LIMK1: variants seen among roughly 807,000 people sequenced by gnomAD.
LIMK1 encodes the protein LIM domain kinase 1, also known as LIM motif-containing protein kinase.
In LIMK1, 21 loss-of-function variants were observed where a neutral mutation model predicts 77.6. The ratio of observed to expected loss-of-function variants is 0.27; its 90% confidence interval spans 0.19 to 0.39. The LOEUF is 0.39. Among genes scored for constraint, LIMK1 ranks in the 10% least tolerant of loss-of-function variants. The pLI, the probability that LIMK1 is intolerant of heterozygous loss-of-function variation, is 1.00. For missense variants in LIMK1, 696 were observed against 901.6 expected (o/e 0.77, Z 2.92); for synonymous variants, 358 against 370.0 (o/e 0.97, Z 0.37).
chr7:74,110,769 T>G (rs1239891204), intron 10 of LIMK1: 2 of 151,882 alleles, frequency 1.3e-5, no homozygotes, highest in Non-Finnish European at 2.9e-5. Flanking sequence ...GACCTCGTGA[T>G]CCAACCACTC....
chr7:74,093,413 C>T (rs1799277042), intron 2 of LIMK1: 3 of 1,288,366 alleles, frequency 2.3e-6, no homozygotes, highest in Non-Finnish European at 2.1e-6. Flanking sequence ...AGAACTGAAA[C>T]TCCTTGGTTA....
At chr7:74,111,369 C>T (rs545747098) in intron 10 of LIMK1, 5 of 419,356 alleles carry the variant, frequency 1.2e-5, no homozygotes, top group African/African-American at 6.0e-5. Context: ...GCCCCGGAGG[C>T]GAAGGTTGTA....
chr7:74,115,658 G>A (rs1343422657), intron 12 of LIMK1, 144 bp from the exon 13 acceptor site: 5 of 864,420 alleles, frequency 5.8e-6, no homozygotes, highest in Admixed American at 2.9e-5. Flanking sequence ...GGGGAAGGAA[G>A]GGGTCCCCAC....
In LIMK1 at chr7:74,084,066, G is replaced by A. The variant is rs201367866; in HGVS notation, c.55+21G>A. 8.8e-4 allele frequency: 1,264 copies of A among 1,439,652 alleles called. 10 individuals are homozygous for A. Among genetic ancestry groups the A allele is most frequent in the Non-Finnish European group, 6.1e-5 (65 of 1,073,064 alleles). 89.2% of individuals were successfully genotyped at this position (1,439,652 alleles called of 1,614,324 possible). The stretch of plus-strand genomic sequence containing the variant: ...GGAAGGTGCGCGGGCCGCGGGGTGT[G>A]GGGCGAGGGCCTGGAGGGGGTGCCC... On this transcript the variant is annotated intron_variant, in intron 1 of 15. Transcript: ENST00000336180.
intron 2 of LIMK1, among the ~76,000 whole-genome samples, chr7:74,093,496 C>G (rs1554695099): frequency 6.6e-6 from 1 of 152,206 alleles, no homozygotes; most frequent in Admixed American, 6.5e-5. Context: ...CCCATGAGGC[C>G]GGTCCTCCAC....
chr7:74,092,657 A>C (rs1055563279), intron 2 of LIMK1, among the ~76,000 whole-genome samples: 4 of 152,146 alleles, frequency 2.6e-5, no homozygotes, highest in Non-Finnish European at 4.4e-5. Context: ...CACAACCCCC[A>C]GGGCTGCCGC....
At chr7:74,109,483 G>C (rs1484717166) in intron 10 of LIMK1, 1 of 183,818 alleles carries the variant, frequency 5.4e-6, no homozygotes, top group Non-Finnish European at 1.2e-5. Context: ...CACTTTCAGA[G>C]GCTGAGGCCA....
chr7:74,085,745 C>T lies in LIMK1; in HGVS notation c.56-3C>T. Reference sequence around the variant, plus strand: ...GCTTCCCAACTCCCTTCCCACCCTGCAGGAAGCGAGTTGCCCGTGTGTGCA... The same window carrying T: ...GCTTCCCAACTCCCTTCCCACCCTGTAGGAAGCGAGTTGCCCGTGTGTGCA... On this transcript the variant is annotated splice_polypyrimidine_tract_variant and splice_region_variant and intron_variant, in intron 1 of 15. Transcript: ENST00000336180. 1 of 1,553,546 alleles carries T rather than the reference C, an allele frequency of 6.4e-7. No homozygotes were observed. The highest frequency in any genetic ancestry group is 1.7e-4 in the Middle Eastern group (1 of 5,994).
rs547112708 is a variant in LIMK1 at position 74,120,567 on chromosome 7, C to G, written c.1568-16C>G. The G allele has an allele frequency of 4.3e-6, 7 of 1,613,906 alleles. No individual in the cohort carries two copies. Among genetic ancestry groups the G allele is most frequent in the Non-Finnish European group, 5.9e-6 (7 of 1,179,862 alleles). On this transcript the variant is annotated splice_polypyrimidine_tract_variant and intron_variant, in intron 13 of 15. Coordinates refer to ENST00000336180, the MANE Select transcript of LIMK1 (RefSeq NM_002314.4). Reference sequence around the variant, plus strand: ...CCCCATGTGTTCATCTGCTGACAGTCGGTCTCTTTATCCAGGCCGCAGCTA... The same window carrying G: ...CCCCATGTGTTCATCTGCTGACAGTGGGTCTCTTTATCCAGGCCGCAGCTA...
chr7:74,089,497 A>T (rs1799197802), intron 2 of LIMK1, among the ~76,000 whole-genome samples: 1 of 152,042 alleles, frequency 6.6e-6, no homozygotes, highest in African/African-American at 2.4e-5. Flanking sequence ...GTGAAATCCC[A>T]TCTCAAAAAA....
At chr7:74,092,135 T>C (rs1403411078) in intron 2 of LIMK1, among the ~76,000 whole-genome samples, 1 of 151,656 alleles carries the variant, frequency 6.6e-6, no homozygotes, top group Non-Finnish European at 1.5e-5. Flanking sequence ...CTGGCTAATT[T>C]TTGTGTTTTT....
At chr7:74,096,600 C>T in intron 2 of LIMK1, 22 bp from the exon 3 acceptor site, 3 of 1,613,820 alleles carry the variant, frequency 1.9e-6, no homozygotes, top group Middle Eastern at 1.7e-4. Flanking sequence ...GTGGACGTCT[C>T]AGCCCGGCCC....
At chr7:74,088,801 CAA>C (rs145728454) in intron 2 of LIMK1, among the ~76,000 whole-genome samples, 4 of 67,052 alleles carry the variant, frequency 6.0e-5, no homozygotes, top group Admixed American at 1.7e-4. Flanking sequence ...GACTCCATCT[CAA>C]AAAAAAAAAA....
At position 74,105,984 on chromosome 7, in the gene LIMK1, C is replaced by T. The variant is rs782517655; in HGVS notation, c.714+4C>T. On this transcript the variant is annotated splice_donor_region_variant and intron_variant, in intron 6 of 15. Coordinates refer to ENST00000336180, the MANE Select transcript of LIMK1 (RefSeq NM_002314.4). Reference sequence around the variant, plus strand: ...CCGAAATGTGCCCCTGGACGAGGTACGGTCCTGAGTCTGTGGGGCAGGACG... The same window carrying T: ...CCGAAATGTGCCCCTGGACGAGGTATGGTCCTGAGTCTGTGGGGCAGGACG... The T allele has an allele frequency of 1.6e-5, 26 of 1,613,586 alleles. No homozygotes were observed. In the Admixed American group the frequency reaches 3.0e-4, roughly 19 times the overall value.
intron 9 of LIMK1, 130 bp downstream of exon 9, chr7:74,108,087 C>T (rs1554697958): frequency 7.2e-6 from 5 of 690,150 alleles, no homozygotes; most frequent in Admixed American, 2.2e-5. Context: ...CATAGTGGCT[C>T]ACGCCTGTAA....
At chr7:74,084,096 C>T in intron 1 of LIMK1, 51 bp downstream of exon 1, 1 of 1,084,886 alleles carries the variant, frequency 9.2e-7, no homozygotes, top group Non-Finnish European at 1.3e-6. Context: ...GTGCCCGGGG[C>T]AGCGTGGGGC....
chr7:74,097,779 C>G (rs980508352), intron 4 of LIMK1, among the ~76,000 whole-genome samples: 5 of 152,174 alleles, frequency 3.3e-5, no homozygotes, highest in African/African-American at 1.2e-4. Context: ...TTAAGGACAC[C>G]ATCCCCAGCA....
intron 13 of LIMK1, among the ~76,000 whole-genome samples, chr7:74,117,715 C>T (rs568956177): frequency 2.6e-5 from 4 of 152,160 alleles, no homozygotes; most frequent in Admixed American, 6.6e-5. Flanking sequence ...GAAGCCAAAG[C>T]GGGAGATTTA....
chr7:74,085,752 C>T lies in LIMK1; in HGVS notation c.60C>T (p.Ser20=), dbSNP rs141152379. Residue 20 remains serine, a synonymous_variant, in exon 2 of 16, where the codon AGC becomes AGT. Coordinates refer to ENST00000336180, the MANE Select transcript of LIMK1 (RefSeq NM_002314.4). ...WREERMGEEG[S]ELPVCASCGQ... Reference sequence around the variant, plus strand: ...AACTCCCTTCCCACCCTGCAGGAAGCGAGTTGCCCGTGTGTGCAAGCTGCG... The same window carrying T: ...AACTCCCTTCCCACCCTGCAGGAAGTGAGTTGCCCGTGTGTGCAAGCTGCG... 1.4e-4 allele frequency: 224 copies of T among 1,555,666 alleles called. 1 individual carries two copies. In the African/African-American group the frequency reaches 2.8e-3, roughly 19 times the overall value.
Sources: gnomAD v4.1 joint callset for allele counts (sites outside exome capture counted in the v4.1 genomes callset) on GRCh38, gnomAD v4.1.1 for gene constraint, MANE v1.5 for transcripts, NCBI Gene and HGNC (gene_info 2026-07-23, HGNC 2026-07-21) for gene names.